Variants in FBXL17 observed in about 807,000 individuals in gnomAD.
The protein encoded by FBXL17 is F-box and leucine rich repeat protein 17, also known as F-box/LRR-repeat protein 17.
A neutral mutation model predicts 66.2 loss-of-function variants in FBXL17; 22 were observed. That is an observed-to-expected ratio of 0.33 (90% CI 0.24 to 0.47). FBXL17 has a LOEUF of 0.47. Among genes scored for constraint, FBXL17 ranks in the 20% least tolerant of loss-of-function variants. FBXL17 has a pLI of 1.00. For synonymous variants in FBXL17, 474 were observed against 400.5 expected, an observed-to-expected ratio of 1.18 and a Z score of -2.19; for missense variants, 878 against 948.2, an observed-to-expected ratio of 0.93 and a Z score of 0.97.
chr5:108,262,072 TTA>T (rs1217416622), intron 4 of FBXL17, among the ~76,000 whole-genome samples: 7 of 134,254 alleles, frequency 5.2e-5, no homozygotes, highest in African/African-American at 1.9e-4. Context: ...ATTTATTTAT[TTA>T]TTTATTTATT....
At chr5:108,318,548 T>G (rs894424925) in intron 4 of FBXL17, among the ~76,000 whole-genome samples, 4 of 151,856 alleles carry the variant, frequency 2.6e-5, no homozygotes, top group African/African-American at 9.7e-5. Flanking sequence ...CTAATAGCAT[T>G]TAATATCTTT....
At chr5:108,060,050 GAATA>G (rs1161309360) in intron 6 of FBXL17, among the ~76,000 whole-genome samples, 1 of 149,914 alleles carries the variant, frequency 6.7e-6, no homozygotes, top group African/African-American at 2.4e-5. Flanking sequence ...TTCATTTACT[GAATA>G]TATATAAAAC....
At chr5:108,123,667 T>A (rs1750588578) in intron 6 of FBXL17, among the ~76,000 whole-genome samples, 1 of 152,098 alleles carries the variant, frequency 6.6e-6, no homozygotes, top group African/African-American at 2.4e-5. Flanking sequence ...CCTCAAACTG[T>A]CATCTCATTG....
intron 6 of FBXL17, among the ~76,000 whole-genome samples, chr5:108,080,444 G>A (rs1367351192): frequency 2.6e-5 from 4 of 152,192 alleles, no homozygotes; most frequent in African/African-American, 9.7e-5. Context: ...TCTGTAATCA[G>A]TAGAGTCATA....
chr5:108,214,645 C>T, intron 5 of FBXL17, among the ~76,000 whole-genome samples: 1 of 152,128 alleles, frequency 6.6e-6, no homozygotes, highest in East Asian at 1.9e-4. Flanking sequence ...GCTGGGATTA[C>T]AGGCACGAGC....
intron 1 of FBXL17, among the ~76,000 whole-genome samples, chr5:108,376,447 T>C (rs1472284534): frequency 6.6e-6 from 1 of 152,218 alleles, no homozygotes; most frequent in Non-Finnish European, 1.5e-5. Context: ...CAATGAATCA[T>C]CTGAAGATGA....
At chr5:108,298,522 T>A in intron 4 of FBXL17, 1 of 975,612 alleles carries the variant, frequency 1.0e-6, no homozygotes, top group Non-Finnish European at 1.2e-6. Flanking sequence ...TTCCACTAAC[T>A]TGCCTAATGA....
At chr5:107,942,806 T>C (rs150726987) in intron 7 of FBXL17, among the ~76,000 whole-genome samples, 185 of 152,176 alleles carry the variant, frequency 1.2e-3, no homozygotes, top group African/African-American at 4.3e-3. Flanking sequence ...ATCTGATTTC[T>C]TCAACCATAC....
At chr5:108,111,192 A>T (rs573525007) in intron 6 of FBXL17, among the ~76,000 whole-genome samples, 3 of 152,228 alleles carry the variant, frequency 2.0e-5, no homozygotes, top group African/African-American at 7.2e-5. Context: ...CCTGCTTTTC[A>T]AAACATGAAC....
chr5:107,985,875 A>C (rs763960012), intron 7 of FBXL17, among the ~76,000 whole-genome samples: 1 of 152,160 alleles, frequency 6.6e-6, no homozygotes, highest in Non-Finnish European at 1.5e-5. Context: ...AGGGAAGGTG[A>C]GAGTGCAGAC....
intron 4 of FBXL17, among the ~76,000 whole-genome samples, chr5:108,322,755 C>G (rs1199722254): frequency 1.3e-5 from 2 of 151,832 alleles, no homozygotes; most frequent in Non-Finnish European, 2.9e-5. Flanking sequence ...TGTTTCCAAA[C>G]AGGGTGCTGA....
intron 6 of FBXL17, among the ~76,000 whole-genome samples, chr5:108,114,159 T>C (rs1035469810): frequency 6.6e-6 from 1 of 152,154 alleles, no homozygotes; most frequent in Admixed American, 6.5e-5. Context: ...AACAAGAAAG[T>C]ACCCCTCCCG....
chr5:107,899,442 G>T (rs1256865978), intron 7 of FBXL17, among the ~76,000 whole-genome samples: 1 of 152,072 alleles, frequency 6.6e-6, no homozygotes, highest in Non-Finnish European at 1.5e-5. Context: ...AGGAGTTGGA[G>T]ACCAGCCTGC....
chr5:107,980,587 C>T (rs1458357200), intron 7 of FBXL17, among the ~76,000 whole-genome samples: 1 of 144,042 alleles, frequency 6.9e-6, no homozygotes, highest in Non-Finnish European at 1.5e-5. Flanking sequence ...CCACCGACCT[C>T]GGCTTCCCAA....
chr5:108,297,720 T>C, intron 4 of FBXL17: 15 of 493,746 alleles, frequency 3.0e-5, no homozygotes, highest in Non-Finnish European at 3.7e-5. Flanking sequence ...CAAAAAACAT[T>C]AAGCAACTCA....
chr5:107,999,278 G>A (rs1042840483), intron 7 of FBXL17, among the ~76,000 whole-genome samples: 2 of 152,030 alleles, frequency 1.3e-5, no homozygotes, highest in African/African-American at 2.4e-5. Flanking sequence ...CTAGGTCTTC[G>A]ACAAATACCT....
At chr5:107,868,691 G>A (rs182091258) in intron 8 of FBXL17, among the ~76,000 whole-genome samples, 113 of 152,342 alleles carry the variant, frequency 7.4e-4, no homozygotes, top group African/African-American at 2.3e-3. Flanking sequence ...CCCAAGAAGT[G>A]CTTTCTAGGG....
chr5:108,255,305 T>C (rs1756529908), intron 4 of FBXL17, among the ~76,000 whole-genome samples: 1 of 152,178 alleles, frequency 6.6e-6, no homozygotes. Context: ...CACCGTAACA[T>C]GGATTTTCAC....
chr5:108,353,648 C>T (rs1174458548), intron 3 of FBXL17, among the ~76,000 whole-genome samples: 3 of 152,282 alleles, frequency 2.0e-5, no homozygotes, highest in Middle Eastern at 6.8e-3. Context: ...AGAGCCTAAC[C>T]TTCCTAGGGG....
Sources: allele counts gnomAD v4.1 joint callset (sites outside exome capture counted in the v4.1 genomes callset), GRCh38; gene constraint gnomAD v4.1.1; transcripts MANE v1.5; gene names NCBI Gene and HGNC (gene_info 2026-07-23, HGNC 2026-07-21).